The following FANCB variants were observed in gnomAD, a reference collection of about 807,000 sequenced individuals.
The protein encoded by FANCB is FA complementation group B.
FANCB carries 5 observed loss-of-function variants against 38.9 expected under a neutral mutation model. The ratio of observed to expected loss-of-function variants is 0.13; its 90% CI spans 0.07 to 0.27. FANCB has a LOEUF of 0.27. Ranked by LOEUF, FANCB falls within the 10% of genes least tolerant of loss-of-function variation. The pLI is 1.00. For missense variants in FANCB, 573 were observed against 602.7 expected, an observed-to-expected ratio of 0.95 and a Z score of 0.52; for synonymous variants, 236 against 215.4, an observed-to-expected ratio of 1.10 and a Z score of -0.84.
At chrX:14,809,721 C>A in the FANCB span, among the ~76,000 whole-genome samples, 1 of 112,809 alleles carries the variant, frequency 8.9e-6, no homozygotes, top group Non-Finnish European at 1.9e-5. Flanking sequence ...AGGAGGCCTG[C>A]CTGCCTCTGC....
chrX:14,782,709 T>C, the FANCB span, among the ~76,000 whole-genome samples: 1 of 111,604 alleles, frequency 9.0e-6, no homozygotes, highest in Admixed American at 9.5e-5. Flanking sequence ...AGCCAGGAGA[T>C]GGTAAGAAGC....
the FANCB span, among the ~76,000 whole-genome samples, chrX:14,827,914 C>A: frequency 9.0e-6 from 1 of 111,285 alleles, no homozygotes; most frequent in African/African-American, 3.3e-5. Flanking sequence ...AGGAATACCT[C>A]CAAGACATTT....
the FANCB span, among the ~76,000 whole-genome samples, chrX:14,708,453 T>C: frequency 9.0e-6 from 1 of 111,201 alleles, no homozygotes; most frequent in Non-Finnish European, 1.9e-5. Flanking sequence ...ACTAACTATA[T>C]TGCACCTCAC....
the FANCB span, among the ~76,000 whole-genome samples, chrX:14,811,822 C>T: frequency 2.6e-3 from 293 of 111,678 alleles, 4 homozygotes; most frequent in African/African-American, 9.1e-3. Context: ...ACCTAATAGA[C>T]ATCTACGGAA....
At chrX:14,802,624 T>C in the FANCB span, among the ~76,000 whole-genome samples, 5 of 111,704 alleles carry the variant, frequency 4.5e-5, no homozygotes, top group East Asian at 1.1e-3. Context: ...AGATGAGATA[T>C]GGTGGGGACC....
At chrX:14,716,561 G>A in the FANCB span, among the ~76,000 whole-genome samples, 3,048 of 111,412 alleles carry the variant, frequency 0.027, 104 homozygotes, top group African/African-American at 0.094. Context: ...CAGGGAGCAC[G>A]ACTTTTCTGT....
intron 4 of FANCB, among the ~76,000 whole-genome samples, chrX:14,858,268 A>C (rs1351961984): frequency 1.8e-5 from 2 of 109,600 alleles, no homozygotes. Flanking sequence ...AGTGGCGCGC[A>C]CCTGTAATCC....
chrX:14,695,062 G>T, the FANCB span, among the ~76,000 whole-genome samples: 1 of 111,286 alleles, frequency 9.0e-6, no homozygotes, highest in Non-Finnish European at 1.9e-5. Context: ...TCAAGAAAGG[G>T]ATAAAATCTG....
the FANCB span, among the ~76,000 whole-genome samples, chrX:14,762,969 G>A: frequency 2.7e-5 from 3 of 111,854 alleles, no homozygotes; most frequent in Admixed American, 9.5e-5. Context: ...TGGCTTGTGG[G>A]GCAGTGAGTA....
chrX:14,815,229 T>G, the FANCB span, among the ~76,000 whole-genome samples: 1 of 109,548 alleles, frequency 9.1e-6, no homozygotes, highest in Non-Finnish European at 1.9e-5. Context: ...AAATGACGAG[T>G]TACTGGGTGC....
chrX:14,728,360 C>T, the FANCB span, among the ~76,000 whole-genome samples: 2 of 110,957 alleles, frequency 1.8e-5, no homozygotes, highest in Non-Finnish European at 1.9e-5. Flanking sequence ...GCCAGTTCAC[C>T]CCAGCCTGGG....
intron 4 of FANCB, among the ~76,000 whole-genome samples, chrX:14,858,326 C>A (rs923819853): frequency 9.2e-6 from 1 of 109,006 alleles, no homozygotes; most frequent in African/African-American, 3.3e-5. Flanking sequence ...ACCCAGGGGG[C>A]GGAGGTTGCA....
At chrX:14,729,958 CTGTT>C in the FANCB span, among the ~76,000 whole-genome samples, 3 of 111,671 alleles carry the variant, frequency 2.7e-5, no homozygotes, top group African/African-American at 6.5e-5. Context: ...GTAGGTGTTT[CTGTT>C]TGTTAATTAA....
the FANCB span, among the ~76,000 whole-genome samples, chrX:14,732,369 G>C: frequency 1.8e-5 from 2 of 112,064 alleles, no homozygotes; most frequent in Non-Finnish European, 3.8e-5. Flanking sequence ...CTTTATAGCA[G>C]AATGATTTAT....
At chrX:14,707,145 G>T in the FANCB span, among the ~76,000 whole-genome samples, 6 of 111,613 alleles carry the variant, frequency 5.4e-5, no homozygotes. Context: ...TTGAATTCCC[G>T]TCCTCTTAAT....
the FANCB span, among the ~76,000 whole-genome samples, chrX:14,704,393 T>G: frequency 4.5e-5 from 5 of 112,151 alleles, no homozygotes; most frequent in African/African-American, 6.5e-5. Context: ...TCCTGCACAA[T>G]GGTTTAAGAT....
chrX:14,703,232 C>T, the FANCB span, among the ~76,000 whole-genome samples: 10 of 111,814 alleles, frequency 8.9e-5, no homozygotes, highest in South Asian at 2.6e-3. Flanking sequence ...GGGGACAATA[C>T]TCAGAGGCCA....
At chrX:14,802,936 A>G in the FANCB span, among the ~76,000 whole-genome samples, 1 of 112,118 alleles carries the variant, frequency 8.9e-6, no homozygotes, top group Non-Finnish European at 1.9e-5. Flanking sequence ...AAGTGCAATC[A>G]AACAATCCAA....
the FANCB span, among the ~76,000 whole-genome samples, chrX:14,806,197 G>C: frequency 1.8e-5 from 2 of 111,633 alleles, no homozygotes; most frequent in Non-Finnish European, 3.8e-5. Context: ...AAGAGGATAA[G>C]TGAGACAAGT....
Sources: gnomAD v4.1 joint callset for allele counts (sites outside exome capture counted in the v4.1 genomes callset) on GRCh38, gnomAD v4.1.1 for gene constraint, MANE v1.5 for transcripts, NCBI Gene and HGNC (gene_info 2026-07-23, HGNC 2026-07-21) for gene names.